The following ZDHHC14 variants were observed in gnomAD, a reference collection of about 807,000 sequenced individuals.
ZDHHC14 encodes zDHHC palmitoyltransferase 14.
A neutral mutation model predicts 47.7 loss-of-function variants in ZDHHC14; 16 were observed. The observed-to-expected ratio is 0.34, with a 90% confidence interval of 0.23 to 0.51. The LOEUF (loss-of-function observed/expected upper bound fraction) is 0.51, where lower values mean the gene tolerates loss of function less well. ZDHHC14 is among the 20% of genes least tolerant of loss of function. ZDHHC14 has a pLI of 0.97. For synonymous variants in ZDHHC14, 293 were observed against 278.9 expected (o/e 1.05, Z -0.50); for missense variants, 515 against 662.5 (o/e 0.78, Z 2.44).
At chr6:157,430,334 C>G (rs555978881) in intron 1 of ZDHHC14, among the ~76,000 whole-genome samples, 1 of 140,590 alleles carries the variant, frequency 7.1e-6, no homozygotes, top group South Asian at 2.2e-4. Context: ...AAAAAAAAAG[C>G]ATACATTTAT....
At chr6:157,511,225 A>G (rs1007844603) in intron 1 of ZDHHC14, among the ~76,000 whole-genome samples, 16 of 152,208 alleles carry the variant, frequency 1.1e-4, no homozygotes, top group African/African-American at 4.8e-5. Context: ...AAGGTGAGAC[A>G]GAACTGTGGG....
At chr6:157,565,607 TGAG>T (rs750734590) in intron 2 of ZDHHC14, among the ~76,000 whole-genome samples, 2 of 151,990 alleles carry the variant, frequency 1.3e-5, no homozygotes, top group Non-Finnish European at 2.9e-5. Context: ...TCACCTGAGA[TGAG>T]GAGTTCAAGA....
intron 2 of ZDHHC14, among the ~76,000 whole-genome samples, chr6:157,587,396 C>G (rs1267807175): frequency 6.6e-6 from 1 of 152,216 alleles, no homozygotes; most frequent in Non-Finnish European, 1.5e-5. Flanking sequence ...CAAGGCCTCC[C>G]TCTTCTTAAG....
At chr6:157,541,165 A>C (rs1781749114) in intron 1 of ZDHHC14, among the ~76,000 whole-genome samples, 1 of 152,024 alleles carries the variant, frequency 6.6e-6, no homozygotes, top group Non-Finnish European at 1.5e-5. Flanking sequence ...TCATCATGGC[A>C]CTTTATTCCT....
chr6:157,448,369 G>A (rs752905501), intron 1 of ZDHHC14, among the ~76,000 whole-genome samples: 4 of 151,930 alleles, frequency 2.6e-5, no homozygotes, highest in East Asian at 1.9e-4. Context: ...TAAATGTGGC[G>A]GATATCTATA....
At position 157,399,326 on chromosome 6, in the gene ZDHHC14, G is replaced by A. The variant is rs573406435; in HGVS notation, c.245+17060G>A. Among the ~76,000 whole-genome samples the A allele has an allele frequency of 4.0e-5, 6 of 151,526 alleles. No individual in the cohort carries two copies. In the East Asian group the frequency reaches 5.8e-4, roughly 15 times the overall value. Reference sequence around the variant, plus strand: ...AGACACCACAGTGCTGGGTAGATCCGGGTGCCATTGTCTGTTGCCAGGGCC... The same window carrying A: ...AGACACCACAGTGCTGGGTAGATCCAGGTGCCATTGTCTGTTGCCAGGGCC... On this transcript the variant is annotated intron_variant, in intron 1 of 8. Coordinates refer to ENST00000359775, the MANE Select transcript of ZDHHC14 (RefSeq NM_024630.3).
chr6:157,539,352 C>T (rs559859009), intron 1 of ZDHHC14, among the ~76,000 whole-genome samples: 13 of 151,984 alleles, frequency 8.6e-5, no homozygotes, highest in African/African-American at 2.2e-4. Flanking sequence ...TGCAGTGAGC[C>T]ATGATCATAC....
intron 6 of ZDHHC14, chr6:157,646,405 G>A (rs1777555491): frequency 6.6e-6 from 1 of 152,268 alleles, no homozygotes; most frequent in African/African-American, 2.4e-5. Context: ...GAGGTCAGGA[G>A]ATCGAGGCCA....
At chr6:157,628,928 G>A (rs765706507) in intron 4 of ZDHHC14, among the ~76,000 whole-genome samples, 3 of 152,170 alleles carry the variant, frequency 2.0e-5, no homozygotes, top group Non-Finnish European at 4.4e-5. Context: ...ATCTCCTTAT[G>A]TAAGAACAGT....
intron 8 of ZDHHC14, among the ~76,000 whole-genome samples, chr6:157,667,636 G>A (rs1457312101): frequency 6.6e-6 from 1 of 150,418 alleles, no homozygotes; most frequent in Non-Finnish European, 1.5e-5. Context: ...AAAAAGGGAA[G>A]TGTAAGAATA....
intron 1 of ZDHHC14, among the ~76,000 whole-genome samples, chr6:157,530,147 G>A (rs1256953382): frequency 6.6e-6 from 1 of 152,134 alleles, no homozygotes; most frequent in Non-Finnish European, 1.5e-5. Flanking sequence ...CCATGTGTAT[G>A]AAACAGTAAC....
At chr6:157,660,194 T>C (rs1289926831) in intron 8 of ZDHHC14, among the ~76,000 whole-genome samples, 3 of 151,764 alleles carry the variant, frequency 2.0e-5, no homozygotes, top group Admixed American at 1.3e-4. Context: ...TTTTCTTTTT[T>C]TTTTTTTTTT....
intron 8 of ZDHHC14, among the ~76,000 whole-genome samples, chr6:157,659,823 G>C (rs1778267378): frequency 2.6e-5 from 4 of 152,164 alleles, no homozygotes; most frequent in Admixed American, 1.3e-4. Context: ...CAATAAAAAA[G>C]TTCTTGCGTT....
At chr6:157,425,566 G>T (rs1562420251) in intron 1 of ZDHHC14, among the ~76,000 whole-genome samples, 4 of 152,094 alleles carry the variant, frequency 2.6e-5, no homozygotes, top group African/African-American at 9.7e-5. Context: ...GCTGAATTTT[G>T]GTTGCGATAT....
At chr6:157,603,589 G>A (rs937772672) in intron 3 of ZDHHC14, among the ~76,000 whole-genome samples, 11 of 152,174 alleles carry the variant, frequency 7.2e-5, no homozygotes, top group African/African-American at 1.7e-4. Flanking sequence ...GTAGGCAGCT[G>A]TTGTCTGATG....
chr6:157,535,184 C>T (rs923076780), intron 1 of ZDHHC14, among the ~76,000 whole-genome samples: 4 of 152,156 alleles, frequency 2.6e-5, no homozygotes, highest in Non-Finnish European at 5.9e-5. Flanking sequence ...TCCCCTCCTC[C>T]GCTCTCTGTT....
chr6:157,463,826 A>G lies in ZDHHC14; in HGVS notation c.246-78759A>G, dbSNP rs1002130842. Among the ~76,000 whole-genome samples the G allele has an allele frequency of 6.6e-6, 1 of 152,128 alleles. No homozygotes were observed. The highest frequency in any genetic ancestry group is 1.9e-4 in the East Asian group (1 of 5,196). On this transcript the variant is annotated intron_variant, in intron 1 of 8. Transcript: ENST00000359775. This position sits in a 1 kb window ranked among gnomAD's most constrained non-coding sequence, Gnocchi z 4.4. Reference sequence around the variant, plus strand: ...GATGACCTGAGGTCAGGAGTTCGAGACCAGCCTGGCCAATGTGGTGAAACC... The same window carrying G: ...GATGACCTGAGGTCAGGAGTTCGAGGCCAGCCTGGCCAATGTGGTGAAACC...
rs1014282468 is a variant in ZDHHC14 at position 157,673,268 on chromosome 6, A to G, written c.*146A>G. ...GTCTGGGGTACAGAGACCACTTAGG[A>G]TGGCACAGGGTGGCTGGCCCCGGAT... On this transcript the variant is annotated 3_prime_UTR_variant, in exon 9 of 9. Transcript: ENST00000359775. This position sits in a 1 kb window ranked among gnomAD's most constrained non-coding sequence, Gnocchi z 5.4. The G allele has an allele frequency of 3.7e-5, 42 of 1,135,852 alleles. 1 individual carries two copies. The highest frequency in any genetic ancestry group is 3.1e-4 in the Admixed American group (9 of 28,656). 70.4% of individuals were successfully genotyped at this position (1,135,852 alleles called of 1,614,324 possible).
intron 3 of ZDHHC14, among the ~76,000 whole-genome samples, chr6:157,604,346 A>G (rs962984165): frequency 2.0e-5 from 3 of 151,650 alleles, no homozygotes; most frequent in Middle Eastern, 3.4e-3. Flanking sequence ...GAGGCTATGC[A>G]TAGGCTATAT....
Sources: gnomAD v4.1 joint callset for allele counts (sites outside exome capture counted in the v4.1 genomes callset) on GRCh38, gnomAD v4.1.1 for gene constraint, Gnocchi (gnomAD v3.1) non-coding constraint, MANE v1.5 for transcripts, NCBI Gene and HGNC (gene_info 2026-07-23, HGNC 2026-07-21) for gene names.